FRMPD4: variants seen among roughly 807,000 people sequenced by gnomAD.
FRMPD4 encodes the protein FERM and PDZ domain-containing protein 4.
A neutral mutation model predicts 94.1 loss-of-function variants in FRMPD4; 22 were observed. The ratio of observed to expected loss-of-function variants is 0.23; its 90% confidence interval spans 0.17 to 0.33. The LOEUF is 0.33. Among genes scored for constraint, FRMPD4 ranks in the 10% least tolerant of loss-of-function variants. FRMPD4 has a pLI of 1.00. For missense variants in FRMPD4, 1,111 were observed against 1,339.9 expected (o/e 0.83, Z 2.67); for synonymous variants, 631 against 548.6 (o/e 1.15, Z -2.10).
chrX:11,863,843 A>G (rs2053702883), intron 1 of FRMPD4, among the ~76,000 whole-genome samples: 1 of 112,150 alleles, frequency 8.9e-6, no homozygotes, highest in African/African-American at 3.2e-5. Context: ...TGGCATGGCC[A>G]TACAATGTCT....
In FRMPD4 at chrX:12,655,029, T is replaced by C. The variant is rs1403548340; in HGVS notation, c.423-19834T>C. 2.7e-5 allele frequency among the ~76,000 whole-genome samples: 3 copies of C among 112,154 alleles called. No homozygotes were observed. In the Admixed American group the frequency reaches 2.8e-4, roughly 11 times the overall value. On this transcript the variant is annotated intron_variant, in intron 4 of 16. Transcript: ENST00000675598. ...TATCAGGAAGCTTGAATCACACAAG[T>C]AATTTGTGTAGTACACTGTATGGCA... is the stretch of plus-strand genomic sequence containing the variant.
chrX:12,057,632 A>G (rs1057077844), intron 3 of FRMPD4, among the ~76,000 whole-genome samples: 50 of 111,491 alleles, frequency 4.5e-4, no homozygotes, highest in African/African-American at 1.5e-3. Flanking sequence ...CTGAATTTCC[A>G]TGGGTCAGGA....
intron 1 of FRMPD4, among the ~76,000 whole-genome samples, chrX:12,392,522 GCTTGCCTGTAGTCCGGA>G (rs1291293727): frequency 2.8e-5 from 3 of 108,882 alleles, no homozygotes; most frequent in Non-Finnish European, 5.7e-5. Context: ...GCGTGGCGGT[GCTTGCCTGTAGTCCGGA>G]CTACTTGGGA....
intron 1 of FRMPD4, among the ~76,000 whole-genome samples, chrX:12,245,177 T>C (rs756793631): frequency 8.9e-6 from 1 of 112,091 alleles, no homozygotes; most frequent in East Asian, 2.8e-4. Context: ...GAGGGATGAC[T>C]GACTCATTTA....
chrX:12,708,950 T>C (rs761592014), intron 13 of FRMPD4: 1 of 113,576 alleles, frequency 8.8e-6, no homozygotes, highest in African/African-American at 3.2e-5. Context: ...GCTGAAAGTG[T>C]GAGGATAGAC....
At chrX:12,613,637 G>T (rs1353953647) in intron 3 of FRMPD4, among the ~76,000 whole-genome samples, 1 of 111,942 alleles carries the variant, frequency 8.9e-6, no homozygotes, top group East Asian at 2.8e-4. Flanking sequence ...CTTGAGCCCA[G>T]GATTTTGAGA....
At chrX:12,462,541 T>G (rs1046016198) in intron 1 of FRMPD4, among the ~76,000 whole-genome samples, 12 of 112,044 alleles carry the variant, frequency 1.1e-4, no homozygotes, top group Non-Finnish European at 2.3e-4. Context: ...TTAATGCCCT[T>G]AGAGAAAATG....
chrX:12,679,659 TTACAA>T (rs2059945827), intron 5 of FRMPD4, among the ~76,000 whole-genome samples: 1 of 111,097 alleles, frequency 9.0e-6, no homozygotes, highest in African/African-American at 3.3e-5. Flanking sequence ...TTTTGAAAAC[TTACAA>T]TACAAGGAGA....
intron 1 of FRMPD4, among the ~76,000 whole-genome samples, chrX:12,164,649 C>T (rs1381283380): frequency 6.9e-4 from 78 of 112,259 alleles, no homozygotes; most frequent in East Asian, 5.6e-3. Context: ...GTTGAACTGG[C>T]TTACAGTCCC....
intron 4 of FRMPD4, among the ~76,000 whole-genome samples, chrX:12,643,089 A>G (rs1411796000): frequency 9.0e-6 from 1 of 111,083 alleles, no homozygotes; most frequent in East Asian, 2.8e-4. Context: ...ATTTTACTCT[A>G]AGAAAGAGAA....
chrX:11,878,096 G>A (rs1033885598), intron 3 of FRMPD4, among the ~76,000 whole-genome samples: 2 of 112,125 alleles, frequency 1.8e-5, no homozygotes, highest in African/African-American at 3.2e-5. Context: ...TTTTCAGTAG[G>A]ATGAATTTAT....
chrX:12,377,749 G>A (rs758744291), intron 1 of FRMPD4, among the ~76,000 whole-genome samples: 47 of 112,732 alleles, frequency 4.2e-4, no homozygotes, highest in African/African-American at 1.3e-3. Context: ...TAGAAGTCGC[G>A]ATGCTCGCAG....
rs183871245 is a variant in FRMPD4 at position 11,902,564 on chromosome X, C to A, written c.95+24546C>A. ...TCTATTAATAAACCTAATTACTTCC[C>A]AAAGGCCCTACCTCCCCTCCTCCAA... On this transcript the variant is annotated intron_variant, in intron 3 of 18. Coordinates refer to the FRMPD4 transcript ENST00000640291. Among the ~76,000 whole-genome samples the A allele has an allele frequency of 4.6e-3, 508 of 111,533 alleles. 4 individuals are homozygous for A. The highest frequency in any genetic ancestry group is 0.016 in the African/African-American group (489 of 30,673).
intron 3 of FRMPD4, among the ~76,000 whole-genome samples, chrX:11,921,122 G>A (rs1380015507): frequency 8.9e-6 from 1 of 112,230 alleles, no homozygotes; most frequent in Non-Finnish European, 1.9e-5. Context: ...TCTATGAGGA[G>A]TGTATTAGTC....
chrX:12,175,840 A>G (rs1350236138), intron 1 of FRMPD4, among the ~76,000 whole-genome samples: 2 of 111,736 alleles, frequency 1.8e-5, no homozygotes, highest in African/African-American at 3.3e-5. Context: ...CAAGTCCTTC[A>G]AGTGATTCTG....
In FRMPD4 at chrX:12,718,323, C is replaced by T; in HGVS notation, c.3497C>T (p.Pro1166Leu). 1 of 1,211,112 alleles carries T rather than the reference C, an allele frequency of 8.3e-7. No individual in the cohort carries two copies. Among genetic ancestry groups the T allele is most frequent in the Middle Eastern group, 2.3e-4 (1 of 4,352 alleles). ...CASSAKDLDNPEDADSSTCDH... is the reference protein window; with the variant it reads ...CASSAKDLDNLEDADSSTCDH... ...TCTTCAGCCAAAGACTTAGATAACC[C>T]AGAGGACGCTGACTCGTCCACCTGC... is the stretch of plus-strand genomic sequence containing the variant. The change falls in exon 16 of 17, where the codon CCA (proline) becomes CTA (leucine). Residue 1166 changes from proline (P) to leucine (L), a missense_variant. Around this residue, in one of 8 missense-constraint regions of FRMPD4, gnomAD observed 551 missense variants for 591.6 expected, o/e 0.93. Transcript: ENST00000675598.
chrX:12,683,533 C>G lies in FRMPD4; in HGVS notation c.519C>G (p.Ser173=), dbSNP rs139532886. 8.4e-7 allele frequency: 1 copy of G among 1,190,024 alleles called. No homozygotes were observed. Among genetic ancestry groups the G allele is most frequent in the African/African-American group, 1.7e-5 (1 of 57,374 alleles). The change falls in exon 6 of 17, where the codon TCC becomes TCG. Residue 173 remains serine, a synonymous_variant. Transcript: ENST00000675598. ...ISAAKKARLK[S]NPVKVRFSEE... is the part of the protein sequence containing the mutation. ...CTGCAAAAAAGGCAAGATTAAAGTC[C>G]AATCCTGTCAAAGTACGCTTCTCTG...
intron 1 of FRMPD4, among the ~76,000 whole-genome samples, chrX:12,340,341 G>C (rs1029926797): frequency 3.7e-5 from 4 of 109,182 alleles, no homozygotes; most frequent in African/African-American, 1.4e-4. Flanking sequence ...TATTGTCAAA[G>C]AATAAAGAAG....
chrX:12,622,003 AAAGAAAGAAAGAAAGGAAGGAAGG>A (rs2059298503), intron 4 of FRMPD4, among the ~76,000 whole-genome samples: 1 of 48,474 alleles, frequency 2.1e-5, no homozygotes. Flanking sequence ...AGAAAGAAAG[AAAGAAAGAAAGAAAGGAAGGAAGG>A]AAGGAAGGAA....
Sources: gnomAD v4.1 joint callset for allele counts (sites outside exome capture counted in the v4.1 genomes callset) on GRCh38, gnomAD v4.1.1 for gene constraint, gnomAD v4.1.1 regional missense constraint, MANE v1.5 for transcripts, NCBI Gene and HGNC (gene_info 2026-07-23, HGNC 2026-07-21) for gene names.